SUMF1: variants seen among roughly 807,000 people sequenced by gnomAD.
The protein encoded by SUMF1 is sulfatase modifying factor 1.
SUMF1 carries 48 observed loss-of-function variants against 47.6 expected under a neutral mutation model. The observed-to-expected ratio is 1.01, with a 90% CI of 0.80 to 1.28. The LOEUF is 1.28. Ranked by LOEUF, SUMF1 falls within the 50% of genes most tolerant of loss-of-function variation. The probability of loss-of-function intolerance (pLI) is 0.00; values close to 1 mark genes in which losing one functional copy is unlikely to be tolerated. For missense variants in SUMF1, 571 were observed against 485.4 expected (o/e 1.18, Z -1.66); for synonymous variants, 230 against 192.1 (o/e 1.20, Z -1.63).
intron 1 of SUMF1, among the ~76,000 whole-genome samples, chr3:4,458,705 C>G (rs1470946345): frequency 1.3e-5 from 2 of 151,882 alleles, no homozygotes; most frequent in African/African-American, 2.4e-5. Context: ...AATACAAAAA[C>G]TTAGCCAGGC....
chr3:4,437,639 A>G (rs1702443909), intron 3 of SUMF1, among the ~76,000 whole-genome samples: 2 of 152,190 alleles, frequency 1.3e-5, no homozygotes, highest in African/African-American at 4.8e-5. Flanking sequence ...TAAAGATACA[A>G]ATTAAAAGTG....
At chr3:4,343,941 T>G (rs1699321848) in intron 8 of SUMF1, among the ~76,000 whole-genome samples, 1 of 152,196 alleles carries the variant, frequency 6.6e-6, no homozygotes, top group Admixed American at 6.5e-5. Context: ...AATAAATTAA[T>G]TCAGCTATTT....
chr3:4,101,549 G>C (rs115071847), intron 8 of SUMF1, among the ~76,000 whole-genome samples: 134 of 152,234 alleles, frequency 8.8e-4, no homozygotes, highest in Non-Finnish European at 1.6e-3. Context: ...GTTACAATTA[G>C]ATAGAAGTGA....
intron 8 of SUMF1, among the ~76,000 whole-genome samples, chr3:4,086,929 G>C (rs1333167403): frequency 6.6e-6 from 1 of 152,068 alleles, no homozygotes; most frequent in East Asian, 1.9e-4. Context: ...CAGCCATGTG[G>C]AACTGTGAAT....
At chr3:4,392,342 C>T (rs1414799378) in intron 7 of SUMF1, among the ~76,000 whole-genome samples, 1 of 151,884 alleles carries the variant, frequency 6.6e-6, no homozygotes, top group Admixed American at 6.6e-5. Flanking sequence ...TTCAAATATA[C>T]TTTAGTTCTT....
At position 4,286,862 on chromosome 3, in the gene SUMF1, A is replaced by G. The variant is rs1400398803; in HGVS notation, c.1014+89468T>C. Among the ~76,000 whole-genome samples the G allele has an allele frequency of 2.6e-5, 4 of 152,156 alleles. No homozygotes were observed. The East Asian group carries it at 7.7e-4, about 29-fold the overall frequency. On this transcript the variant is annotated intron_variant and NMD_transcript_variant, in intron 8 of 12. Coordinates refer to the SUMF1 transcript ENST00000448413. Reference sequence around the variant, plus strand: ...TGAAATATTTACACAGAACTTGCAGAACAATGCAATGGGTGTATCACTGCA... The same window carrying G: ...TGAAATATTTACACAGAACTTGCAGGACAATGCAATGGGTGTATCACTGCA...
chr3:4,058,074 A>G (rs1386580238), intron 9 of SUMF1, among the ~76,000 whole-genome samples: 1 of 152,104 alleles, frequency 6.6e-6, no homozygotes, highest in Non-Finnish European at 1.5e-5. Context: ...TCATCCCAGT[A>G]TCCATGGAAG....
At chr3:4,284,578 T>A (rs1697595344) in intron 8 of SUMF1, among the ~76,000 whole-genome samples, 1 of 152,046 alleles carries the variant, frequency 6.6e-6, no homozygotes. Context: ...CACATGTGAT[T>A]GATCCACTTT....
intron 8 of SUMF1, among the ~76,000 whole-genome samples, chr3:4,240,772 T>C (rs1007183068): frequency 2.0e-5 from 3 of 151,898 alleles, no homozygotes; most frequent in African/African-American, 7.2e-5. Context: ...ATACCAAATG[T>C]CATCATTAAA....
At chr3:4,456,166 ATCTTTTCATGAGAAAAAC>A (rs1317199533) in intron 1 of SUMF1, among the ~76,000 whole-genome samples, 1 of 152,214 alleles carries the variant, frequency 6.6e-6, no homozygotes, top group Non-Finnish European at 1.5e-5. Context: ...AAAATTCAAC[ATCTTTTCATGAGAAAAAC>A]TCTTGACAAG....
At chr3:4,388,023 A>C (rs11919486) in intron 7 of SUMF1, among the ~76,000 whole-genome samples, 12,480 of 152,104 alleles carry the variant, frequency 0.082, 808 homozygotes, top group African/African-American at 0.18. Context: ...TCCATGCATA[A>C]CTGAAAAGGG....
chr3:4,054,290 A>G (rs547383046), intron 9 of SUMF1, among the ~76,000 whole-genome samples: 5 of 152,192 alleles, frequency 3.3e-5, no homozygotes, highest in Non-Finnish European at 7.4e-5. Context: ...GAAACAAAAC[A>G]GCTTCAATTT....
intron 8 of SUMF1, among the ~76,000 whole-genome samples, chr3:4,151,816 A>G (rs2629276): frequency 0.73 from 110,193 of 151,026 alleles, 40,876 homozygotes; most frequent in Admixed American, 0.8. Context: ...GCCATGGGTT[A>G]GACAAGCTTG....
chr3:4,375,134 C>CAAAA (rs376228362), intron 8 of SUMF1, among the ~76,000 whole-genome samples: 2 of 73,236 alleles, frequency 2.7e-5, no homozygotes, highest in African/African-American at 5.0e-5. Flanking sequence ...GACTCTGTCT[C>CAAAA]AAAAAAAAAA....
At chr3:4,325,941 C>T (rs1698936030) in intron 8 of SUMF1, among the ~76,000 whole-genome samples, 3 of 152,162 alleles carry the variant, frequency 2.0e-5, no homozygotes, top group African/African-American at 7.2e-5. Flanking sequence ...CCTGCCTCAG[C>T]CTCCAAAGTA....
At chr3:4,205,135 C>A (rs1482910631) in intron 8 of SUMF1, among the ~76,000 whole-genome samples, 5 of 152,076 alleles carry the variant, frequency 3.3e-5, no homozygotes, top group Admixed American at 1.3e-4. Context: ...TGATGACATT[C>A]CACCATTGTG....
chr3:4,159,491 T>C (rs1037692581), intron 8 of SUMF1, among the ~76,000 whole-genome samples: 1 of 138,374 alleles, frequency 7.2e-6, no homozygotes, highest in South Asian at 2.1e-4. Context: ...TTTCTATTTA[T>C]ATCTTACTGT....
intron 8 of SUMF1, among the ~76,000 whole-genome samples, chr3:4,329,886 C>T (rs1425211743): frequency 6.6e-6 from 1 of 152,082 alleles, no homozygotes. Context: ...AAACTGAATG[C>T]TTTTAACAAT....
chr3:4,467,192 G>T lies in SUMF1; in HGVS notation c.54C>A (p.Leu18=), dbSNP rs754825158. The part of the protein sequence containing the change: ...LVCGRCPELG[L]VLLLLLLSLL... ...GCGAGAGCAGCAGCAGCAAGAGGAC[G>T]AGACCCAGCTCAGGGCAACGTCCAC... Residue 18 remains leucine (L), a synonymous_variant, in exon 1 of 9, where the codon CTC becomes CTA. Transcript: ENST00000272902. 1 of 1,610,934 alleles carries T rather than the reference G, an allele frequency of 6.2e-7. No homozygotes were observed. The highest frequency in any genetic ancestry group is 8.5e-7 in the Non-Finnish European group (1 of 1,179,088).
Sources: gnomAD v4.1 joint callset for allele counts (sites outside exome capture counted in the v4.1 genomes callset) on GRCh38, gnomAD v4.1.1 for gene constraint, MANE v1.5 for transcripts, NCBI Gene and HGNC (gene_info 2026-07-23, HGNC 2026-07-21) for gene names.